Variants in CERK observed in about 807,000 individuals in gnomAD.
The protein encoded by CERK is ceramide kinase.
CERK carries 39 observed loss-of-function variants against 63.4 expected under a neutral mutation model. That is an observed-to-expected ratio of 0.61 (90% confidence interval 0.48 to 0.80). The LOEUF (loss-of-function observed/expected upper bound fraction) is 0.80, where lower values mean the gene tolerates loss of function less well. Among genes scored for constraint, CERK ranks in the 30% least tolerant of loss-of-function variants. The pLI, the probability that CERK is intolerant of heterozygous loss-of-function variation, is 0.00. For synonymous variants in CERK, 302 were observed against 280.0 expected, an observed-to-expected ratio of 1.08 and a Z score of -0.78; for missense variants, 670 against 714.1, an observed-to-expected ratio of 0.94 and a Z score of 0.70.
chr22:46,693,286 G>A (rs567867521), intron 10 of CERK, 141 bp downstream of exon 10: 1 of 681,922 alleles, frequency 1.5e-6, no homozygotes, highest in South Asian at 1.7e-5. Context: ...CTGGGGCTAA[G>A]AAGAAATGGA....
chr22:46,689,472 G>T (rs2082719174), intron 12 of CERK, among the ~76,000 whole-genome samples: 1 of 152,236 alleles, frequency 6.6e-6, no homozygotes, highest in Non-Finnish European at 1.5e-5. Flanking sequence ...CTGGGTTCAA[G>T]CGACTCTCCT....
intron 4 of CERK, among the ~76,000 whole-genome samples, chr22:46,711,551 C>T (rs1211775693): frequency 2.0e-5 from 3 of 151,950 alleles, no homozygotes; most frequent in Non-Finnish European, 4.4e-5. Flanking sequence ...ATTGAAAGTC[C>T]CCCCACCCCA....
At chr22:46,707,146 G>C (rs1357709457) in intron 6 of CERK, among the ~76,000 whole-genome samples, 1 of 152,168 alleles carries the variant, frequency 6.6e-6, no homozygotes, top group Non-Finnish European at 1.5e-5. Flanking sequence ...ACATCCCAGA[G>C]CTGTGACGAG....
chr22:46,728,196 G>A (rs554974464), intron 1 of CERK, among the ~76,000 whole-genome samples: 10 of 152,212 alleles, frequency 6.6e-5, no homozygotes, highest in East Asian at 1.9e-4. Flanking sequence ...CTGTCAGGTC[G>A]CGGGAAACCT....
chr22:46,694,887 G>GC (rs558446101), intron 9 of CERK, among the ~76,000 whole-genome samples: 2 of 152,126 alleles, frequency 1.3e-5, no homozygotes, highest in Admixed American at 6.5e-5. Context: ...CCTCCATCAG[G>GC]CCCCTGCAGG....
chr22:46,709,165 C>T (rs1448685810), intron 5 of CERK, among the ~76,000 whole-genome samples: 4 of 152,202 alleles, frequency 2.6e-5, no homozygotes, highest in African/African-American at 4.8e-5. Flanking sequence ...GTGTGTTAGA[C>T]AGACAGATCA....
At chr22:46,703,608 C>T (rs1409909046) in intron 6 of CERK, among the ~76,000 whole-genome samples, 4 of 152,162 alleles carry the variant, frequency 2.6e-5, no homozygotes, top group East Asian at 3.9e-4. Context: ...CCACTCAAGG[C>T]GATGCTGCGG....
At position 46,686,857 on chromosome 22, in the gene CERK, T is replaced by C. The variant is rs921160228; in HGVS notation, c.*277A>G. On this transcript the variant is annotated 3_prime_UTR_variant, in exon 13 of 13. Coordinates refer to ENST00000216264, the MANE Select transcript of CERK (RefSeq NM_022766.6). ...ACGGGCCATTTTCTAAACTACACTG[T>C]TGACATCGTTAAAACCTAAGAGGCC... is the stretch of plus-strand genomic sequence containing the variant. The C allele has an allele frequency of 4.7e-6, 2 of 425,368 alleles. No individual in the cohort carries two copies. The highest frequency in any genetic ancestry group is 8.7e-6 in the Non-Finnish European group (2 of 230,854). The allele number at this position is 425,368 out of a possible 1,614,324, so 26.3% of individuals were successfully genotyped here.
intron 3 of CERK, among the ~76,000 whole-genome samples, chr22:46,717,559 G>C (rs1247447090): frequency 6.6e-6 from 1 of 152,272 alleles, no homozygotes; most frequent in Non-Finnish European, 1.5e-5. Flanking sequence ...GTTGAGCCGA[G>C]AGCCAGGCAC....
At chr22:46,704,042 G>T (rs2082801586) in intron 6 of CERK, among the ~76,000 whole-genome samples, 1 of 152,234 alleles carries the variant, frequency 6.6e-6, no homozygotes, top group African/African-American at 2.4e-5. Context: ...TCCCCCAGTG[G>T]CATTTGCTAC....
At chr22:46,737,891 C>T (rs1046350982) in intron 1 of CERK, 116 bp downstream of exon 1, 2 of 660,726 alleles carry the variant, frequency 3.0e-6, no homozygotes, top group Admixed American at 5.3e-5. Context: ...GCTCCCAGGG[C>T]CCCCGGCCTT....
chr22:46,734,295 A>C (rs961057942), intron 1 of CERK, among the ~76,000 whole-genome samples: 2 of 152,132 alleles, frequency 1.3e-5, no homozygotes, highest in Non-Finnish European at 2.9e-5. Context: ...GGAACTGCTG[A>C]CATGATGAAT....
At chr22:46,734,975 G>A (rs1045467389) in intron 1 of CERK, among the ~76,000 whole-genome samples, 26 of 152,136 alleles carry the variant, frequency 1.7e-4, no homozygotes, top group African/African-American at 5.8e-4. Context: ...CCTGCCCAAC[G>A]AGTTCACCAC....
In CERK at chr22:46,699,383, G is replaced by A. The variant is rs752499868; in HGVS notation, c.873C>T (p.Gly291=). The change falls in exon 8 of 13, where the codon GGC becomes GGT. Residue 291 remains glycine, a synonymous_variant. Transcript: ENST00000216264. The part of the protein sequence containing the change: ...LRYSVSLLGY[G]FYGDIIKDSE... ...TGTCCTTGATGATGTCCCCGTAGAA[G>A]CCGTAGCCCAGCAGGGACACGGAGT... 1.2e-6 allele frequency: 2 copies of A among 1,613,948 alleles called. No homozygotes were observed. The highest frequency in any genetic ancestry group is 1.7e-6 in the Non-Finnish European group (2 of 1,179,886).
rs562090377 is a variant in CERK, at chr22:46,715,354, T to C, written c.380-3061A>G. Among the ~76,000 whole-genome samples the C allele has an allele frequency of 2.0e-5, 3 of 152,294 alleles. No individual in the cohort carries two copies. In the South Asian group the frequency reaches 6.2e-4, roughly 32 times the overall value. On this transcript the variant is annotated intron_variant, in intron 3 of 12. Coordinates refer to ENST00000216264, the MANE Select transcript of CERK (RefSeq NM_022766.6). ...CGTGTTTGACAAAAATCTAAAATAA[T>C]CATCAAACTATTAGCATCCATAAGT...
At chr22:46,718,027 G>A (rs1347688738) in intron 3 of CERK, among the ~76,000 whole-genome samples, 1 of 152,108 alleles carries the variant, frequency 6.6e-6, no homozygotes, top group East Asian at 1.9e-4. Context: ...GCAGTAAGCC[G>A]AGATTGCACC....
intron 1 of CERK, among the ~76,000 whole-genome samples, chr22:46,734,981 ACCACCAG>A (rs1358158511): frequency 4.6e-5 from 7 of 152,120 alleles, no homozygotes; most frequent in Non-Finnish European, 1.0e-4. Context: ...CAACGAGTTC[ACCACCAG>A]CCTGGGACAT....
intron 1 of CERK, among the ~76,000 whole-genome samples, chr22:46,736,132 C>A (rs9616115): frequency 0.094 from 14,245 of 152,272 alleles, 795 homozygotes; most frequent in African/African-American, 0.13. Flanking sequence ...GATGAACCCG[C>A]ACAAAAGCAC....
intron 1 of CERK, among the ~76,000 whole-genome samples, chr22:46,733,839 C>T (rs928378312): frequency 1.7e-4 from 25 of 151,100 alleles, no homozygotes; most frequent in African/African-American, 4.9e-4. Flanking sequence ...GTCAGGAGTT[C>T]GAGACTAGCC....
Sources: allele counts gnomAD v4.1 joint callset (sites outside exome capture counted in the v4.1 genomes callset), GRCh38; gene constraint gnomAD v4.1.1; transcripts MANE v1.5; gene names NCBI Gene and HGNC (gene_info 2026-07-23, HGNC 2026-07-21).